DNAH11: variants seen among roughly 807,000 people sequenced by gnomAD.
DNAH11 encodes the protein axonemal beta dynein heavy chain 11.
In DNAH11, 442 loss-of-function variants were observed where a neutral mutation model predicts 526.0. The ratio of observed to expected loss-of-function variants is 0.84; its 90% CI spans 0.78 to 0.91. The LOEUF (loss-of-function observed/expected upper bound fraction) is 0.91. DNAH11 is among the 40% of genes least tolerant of loss of function. The pLI, the probability that DNAH11 is intolerant of heterozygous loss-of-function variation, is 0.00. For synonymous variants in DNAH11, 2,461 were observed against 1,935.9 expected (o/e 1.27, Z -7.12); for missense variants, 6,989 against 5,448.7 (o/e 1.28, Z -8.90).
chr7:21,812,847 A>G (rs1375998596), intron 63 of DNAH11, among the ~76,000 whole-genome samples: 1 of 152,168 alleles, frequency 6.6e-6, no homozygotes, highest in Non-Finnish European at 1.5e-5. Context: ...GGGAAGGGCC[A>G]GGCCTGTTGG....
In DNAH11 at chr7:21,854,425, A is replaced by T; in HGVS notation, c.11172A>T (p.Lys3724Asn). Residue 3724 changes from lysine (K) to asparagine (N), a missense_variant, in exon 68 of 82, where the codon AAA becomes AAT. Lys to Asn is a moderately conservative substitution (Grantham distance 94, BLOSUM62 0). Coordinates refer to ENST00000409508, the MANE Select transcript of DNAH11 (RefSeq NM_001277115.2). ...ATTTTGTTATTAATGACCTCCAAAAAATCAACCCCCTCTACCAATTCTCTT... is the reference window on the plus strand; with the variant it reads ...ATTTTGTTATTAATGACCTCCAAAATATCAACCCCCTCTACCAATTCTCTT... ...LLYFVINDLQ[K>N]INPLYQFSLK... 2 of 1,613,894 alleles carry T rather than the reference A, an allele frequency of 1.2e-6. No homozygotes were observed. Among genetic ancestry groups the T allele is most frequent in the Non-Finnish European group, 1.7e-6 (2 of 1,179,848 alleles).
At chr7:21,900,777 T>TCC (rs910125416) in intron 81 of DNAH11, 44 of 449,256 alleles carry the variant, frequency 9.8e-5, no homozygotes, top group African/African-American at 8.4e-4. Context: ...TCAGCTTACT[T>TCC]CCACAGGAAA....
rs557674478 is a variant in DNAH11, at chr7:21,716,007, T to C, written c.6984-1768T>C. On this transcript the variant is annotated intron_variant, in intron 42 of 81. Transcript: ENST00000409508. ...ATTTGCTAGTGGGATCGGTAGATTT[T>C]CTCTGAGACTTTAGTTGCTGCTGAT... Among the ~76,000 whole-genome samples, 18 of 152,192 alleles carry C rather than the reference T, an allele frequency of 1.2e-4. No homozygotes were observed. The South Asian group carries it at 3.7e-3, about 32-fold the overall frequency.
At chr7:21,751,323 C>CA (rs1430486840) in intron 54 of DNAH11, among the ~76,000 whole-genome samples, 3 of 151,970 alleles carry the variant, frequency 2.0e-5, no homozygotes, top group Non-Finnish European at 2.9e-5. Flanking sequence ...CACTCTGTCT[C>CA]AAAAAACAAA....
intron 28 of DNAH11, among the ~76,000 whole-genome samples, chr7:21,648,506 G>T (rs747905863): frequency 3.6e-4 from 54 of 152,074 alleles, no homozygotes; most frequent in Non-Finnish European, 2.2e-4. Context: ...ATAATGAGAT[G>T]AACATGCCCA....
intron 14 of DNAH11, among the ~76,000 whole-genome samples, chr7:21,592,546 G>A (rs910660432): frequency 3.3e-5 from 5 of 152,190 alleles, no homozygotes; most frequent in South Asian, 2.1e-4. Flanking sequence ...GGATTTTACC[G>A]TAAGGGGAAA....
chr7:21,861,255 C>T (rs919290225), intron 68 of DNAH11, among the ~76,000 whole-genome samples: 4 of 152,142 alleles, frequency 2.6e-5, no homozygotes. Context: ...TTTCTTGTTC[C>T]TCTTTGGGAG....
chr7:21,551,457 C>T (rs1783019950), intron 2 of DNAH11, among the ~76,000 whole-genome samples: 1 of 152,148 alleles, frequency 6.6e-6, no homozygotes. Flanking sequence ...TATTAGGCCC[C>T]ACTCTGTCCA....
intron 55 of DNAH11, among the ~76,000 whole-genome samples, chr7:21,770,636 A>G (rs557366531): frequency 2.6e-5 from 4 of 152,330 alleles, no homozygotes; most frequent in Admixed American, 6.5e-5. Context: ...GTTTGACACC[A>G]GAGCCCATAG....
chr7:21,775,595 A>G (rs1787636216), intron 56 of DNAH11, among the ~76,000 whole-genome samples: 1 of 140,206 alleles, frequency 7.1e-6, no homozygotes, highest in South Asian at 2.4e-4. Context: ...CAACCTGAGC[A>G]ACAGAGTGAG....
intron 2 of DNAH11, among the ~76,000 whole-genome samples, chr7:21,549,224 C>A (rs185617897): frequency 6.6e-6 from 1 of 152,110 alleles, no homozygotes; most frequent in Non-Finnish European, 1.5e-5. Flanking sequence ...ATCCTTGTCC[C>A]GGTATAGAGC....
Position 21,842,693 on chromosome 7 carries a change from C to G in DNAH11, c.10841C>G (p.Ala3614Gly). Residue 3614 changes from alanine to glycine, a missense_variant, in exon 66 of 82, where the codon GCC becomes GGC. Transcript: ENST00000409508. ...ACAGTCACAGAAGATGGTCTAGAAG[C>G]CCAGCTGCTGGCAGAGGTTGTCAGT... is the stretch of plus-strand genomic sequence containing the variant. The part of the protein sequence containing the change: ...NFTVTEDGLE[A>G]QLLAEVVSIE... 6.2e-7 allele frequency: 1 copy of G among 1,613,656 alleles called. No homozygotes were observed. Among genetic ancestry groups the G allele is most frequent in the Non-Finnish European group, 8.5e-7 (1 of 1,179,752 alleles).
chr7:21,595,473 A>C (rs996206087), intron 14 of DNAH11, among the ~76,000 whole-genome samples: 1 of 152,226 alleles, frequency 6.6e-6, no homozygotes, highest in Non-Finnish European at 1.5e-5. Context: ...AATTAAGTGG[A>C]GCAAACAGAG....
intron 30 of DNAH11, among the ~76,000 whole-genome samples, chr7:21,665,164 C>G (rs1782377557): frequency 6.6e-6 from 1 of 151,844 alleles, no homozygotes; most frequent in Admixed American, 6.6e-5. Flanking sequence ...CGCTATTGAC[C>G]TCTCCCCCTT....
At position 21,884,293 on chromosome 7, in the gene DNAH11, C is replaced by G; in HGVS notation, c.12390C>G (p.Val4130=). ...TATTTGTGTGGTTTTCTCCACAGGTCCCATGGGAAGATCTCCGTTATCTCT... is the reference window on the plus strand; with the variant it reads ...TATTTGTGTGGTTTTCTCCACAGGTGCCATGGGAAGATCTCCGTTATCTCT... ...LYNYLEANSK[V]PWEDLRYLFG... is the part of the protein sequence containing the mutation. Residue 4130 remains valine (V), a splice_region_variant and synonymous_variant, in exon 76 of 82, where the codon GTC becomes GTG. Transcript: ENST00000409508. 2 of 1,605,036 alleles carry G rather than the reference C, an allele frequency of 1.2e-6. No homozygotes were observed. Among genetic ancestry groups the G allele is most frequent in the Admixed American group, 3.4e-5 (2 of 58,546 alleles).
At chr7:21,899,957 C>A in intron 80 of DNAH11, 23 bp from the exon 81 acceptor site, 1 of 1,612,462 alleles carries the variant, frequency 6.2e-7, no homozygotes, top group South Asian at 1.1e-5. Flanking sequence ...TTATCCTATT[C>A]AATTTTTGTT....
chr7:21,789,458 A>G, intron 61 of DNAH11, 116 bp downstream of exon 61: 1 of 635,504 alleles, frequency 1.6e-6, no homozygotes, highest in African/African-American at 1.8e-5. Flanking sequence ...AAGGAATTCG[A>G]TCTTCCATGA....
intron 9 of DNAH11, among the ~76,000 whole-genome samples, chr7:21,586,952 G>A (rs1784496585): frequency 6.6e-6 from 1 of 152,200 alleles, no homozygotes; most frequent in African/African-American, 2.4e-5. Flanking sequence ...TCCGCCACTA[G>A]CTGTTACGAA....
At chr7:21,883,218 A>G (rs943394841) in intron 75 of DNAH11, among the ~76,000 whole-genome samples, 1 of 152,252 alleles carries the variant, frequency 6.6e-6, no homozygotes, top group African/African-American at 2.4e-5. Context: ...AGCGAAGGCT[A>G]TAATTATAAT....
Sources: gnomAD v4.1 joint callset for allele counts (sites outside exome capture counted in the v4.1 genomes callset) on GRCh38, gnomAD v4.1.1 for gene constraint, MANE v1.5 for transcripts, NCBI Gene and HGNC (gene_info 2026-07-23, HGNC 2026-07-21) for gene names.